The following DUSP15 variants were observed in gnomAD, a reference collection of about 807,000 sequenced individuals.
The protein encoded by DUSP15 is dual specificity protein phosphatase 15.
In DUSP15, 23 loss-of-function variants were observed where a neutral mutation model predicts 26.3. The ratio of observed to expected loss-of-function variants is 0.87; its 90% confidence interval spans 0.63 to 1.24. DUSP15 has a LOEUF of 1.24. DUSP15 is among the 50% of genes most tolerant of loss of function. DUSP15 has a pLI of 0.00. For missense variants in DUSP15, 364 were observed against 320.6 expected, an observed-to-expected ratio of 1.14 and a Z score of -1.03; for synonymous variants, 143 against 135.5, an observed-to-expected ratio of 1.06 and a Z score of -0.39.
intron 1 of DUSP15, 144 bp from the exon 2 acceptor site, chr20:31,869,741 G>A (rs908892405): frequency 3.3e-6 from 5 of 1,497,850 alleles, no homozygotes; most frequent in Non-Finnish European, 4.5e-6. Flanking sequence ...CCCTTTTGTG[G>A]GCCCTGAGTC....
In DUSP15 at chr20:31,861,665, T is replaced by G. The variant is rs2062659308; in HGVS notation, c.446A>C (p.Gln149Pro). Residue 149 changes from glutamine (Q) to proline (P), a missense_variant, in exon 7 of 7, where the codon CAG becomes CCG. Physicochemically the swap from Gln to Pro is moderately conservative, Grantham distance 76. Transcript: ENST00000339738. ...GWASSQKLRR[Q>P]LEERFGESPF... ...GCTCTCGCCGAAGCGCTCCTCCAGC[T>G]GCCGGCGAAGCTGGGGTGGGCGGGT... is the stretch of plus-strand genomic sequence containing the variant. 4 of 889,806 alleles carry G rather than the reference T, an allele frequency of 4.5e-6. No homozygotes were observed. The East Asian group carries it at 4.3e-4, about 96-fold the overall frequency. 55.1% of individuals were successfully genotyped at this position (889,806 alleles called of 1,614,324 possible). A position where few individuals can be genotyped will look rare whatever the true frequency, so the allele number is the denominator to read the frequency against.
chr20:31,870,233 G>C lies in DUSP15; in HGVS notation c.21+84C>G. ...GGAGACCGGCGAGAACAGAAGGTCA[G>C]AGGCGGGCGGACCGAGCTGGTCAGC... is the stretch of plus-strand genomic sequence containing the variant. On this transcript the variant is annotated intron_variant, in intron 1 of 6. Transcript: ENST00000339738. The surrounding 1 kb of genome is among the most constrained non-coding windows in gnomAD (Gnocchi z 6.6). 8.2e-7 allele frequency: 1 copy of C among 1,226,054 alleles called. No individual in the cohort carries two copies. 75.9% of individuals were successfully genotyped at this position (1,226,054 alleles called of 1,614,324 possible). A position where few individuals can be genotyped will look rare whatever the true frequency, so the allele number is the denominator to read the frequency against.
chr20:31,862,013 C>T (rs981198586), intron 6 of DUSP15, among the ~76,000 whole-genome samples: 2 of 152,040 alleles, frequency 1.3e-5, no homozygotes, highest in Non-Finnish European at 2.9e-5. Context: ...CTTTGCACCT[C>T]TGTGCTCACA....
downstream of DUSP15, chr20:31,845,615 C>G: frequency 6.4e-7 from 1 of 1,553,400 alleles, no homozygotes. Context: ...CCGGAATAGC[C>G]TGCCCAGGCT....
In DUSP15 at chr20:31,861,106, G is replaced by C. The variant is rs1170175497; in HGVS notation, c.*297C>G. On this transcript the variant is annotated 3_prime_UTR_variant, in exon 7 of 7. Coordinates refer to ENST00000339738, the MANE Select transcript of DUSP15 (RefSeq NM_080611.5). ...TCTGTGTCTCTTTAATACCCTCCAG[G>C]CCCGTCAAACCCTCCACTCTCCCTC... 2 of 1,286,138 alleles carry C rather than the reference G, an allele frequency of 1.6e-6. No homozygotes were observed. Among genetic ancestry groups the C allele is most frequent in the Non-Finnish European group, 9.8e-7 (1 of 1,020,082 alleles). The allele number at this position is 1,286,138 out of a possible 1,614,324, so 79.7% of individuals were successfully genotyped here.
intron 6 of DUSP15, among the ~76,000 whole-genome samples, chr20:31,855,089 C>T (rs1385533020): frequency 6.6e-6 from 1 of 152,166 alleles, no homozygotes; most frequent in Non-Finnish European, 1.5e-5. Flanking sequence ...CACTCAGGAA[C>T]ACTAGACCAC....
At chr20:31,852,506 G>T (rs1018415539) in intron 6 of DUSP15, among the ~76,000 whole-genome samples, 2 of 152,212 alleles carry the variant, frequency 1.3e-5, no homozygotes, top group Non-Finnish European at 2.9e-5. Context: ...ACACAATGTG[G>T]TCTTGTAGAA....
At chr20:31,849,000 C>A in intron 8 of DUSP15, 4 of 997,690 alleles carry the variant, frequency 4.0e-6, no homozygotes, top group Non-Finnish European at 4.5e-6. Context: ...ATTTCCCATG[C>A]CCAAGTCCTG....
chr20:31,845,714 C>A (rs551356554), downstream of DUSP15: 129 of 745,764 alleles, frequency 1.7e-4, no homozygotes, highest in African/African-American at 2.2e-3. Flanking sequence ...TCCCTCGCCC[C>A]ACTCCCACAA....
exon 10 of DUSP15, chr20:31,847,788 C>T (rs904708708): frequency 6.6e-6 from 1 of 152,200 alleles, no homozygotes; most frequent in Non-Finnish European, 1.5e-5. Flanking sequence ...TGACCTCTGC[C>T]TTAGGGCTGC....
chr20:31,863,075 TG>T (rs11467419), intron 5 of DUSP15, among the ~76,000 whole-genome samples: 1,979 of 148,718 alleles, frequency 0.013, 27 homozygotes, highest in African/African-American at 0.031. Flanking sequence ...ACAGTATGGC[TG>T]GGGGGGGGGG....
intron 1 of DUSP15, chr20:31,869,981 C>G: frequency 7.5e-7 from 1 of 1,341,606 alleles, no homozygotes; most frequent in Middle Eastern, 2.8e-4. Flanking sequence ...GGAGAAACAG[C>G]CCCGGAGAGA....
downstream of DUSP15, among the ~76,000 whole-genome samples, chr20:31,858,990 A>G (rs149076492): frequency 6.6e-6 from 1 of 152,320 alleles, no homozygotes; most frequent in Non-Finnish European, 1.5e-5. The surrounding 1 kb of genome is among the most constrained non-coding windows in gnomAD (Gnocchi z 4.4). Context: ...ACTGCTCATC[A>G]GTGCTGGGCC....
intron 5 of DUSP15, 81 bp from the exon 6 acceptor site, chr20:31,862,823 T>C (rs1168062991): frequency 7.2e-7 from 1 of 1,390,776 alleles, no homozygotes; most frequent in African/African-American, 1.4e-5. Flanking sequence ...CTGCTTCAAC[T>C]CCCCCACCCT....
intron 7 of DUSP15, chr20:31,850,580 T>C: frequency 6.3e-7 from 1 of 1,597,596 alleles, no homozygotes; most frequent in Non-Finnish European, 8.5e-7. Flanking sequence ...TTCAGCACAC[T>C]GGTCGGAGGG....
chr20:31,863,750 G>A (rs2062709085), intron 5 of DUSP15, 157 bp downstream of exon 5: 1 of 667,720 alleles, frequency 1.5e-6, no homozygotes, highest in Non-Finnish European at 2.6e-6. Flanking sequence ...AGAGTCCCGG[G>A]TTGGCCTCTC....
At chr20:31,847,519 TC>T (rs2062389595), downstream of DUSP15, 2 of 151,966 alleles carry the variant, frequency 1.3e-5, no homozygotes, top group East Asian at 3.8e-4. Context: ...ATCACAGTTT[TC>T]CCCCCATGAA....
At chr20:31,867,005 G>C in intron 3 of DUSP15, 66 bp downstream of exon 3, 1 of 1,427,608 alleles carries the variant, frequency 7.0e-7, no homozygotes, top group South Asian at 1.2e-5. Context: ...GCACATAGTA[G>C]ATATTTGATA....
intron 8 of DUSP15, chr20:31,849,704 CGTG>C (rs2062432538): frequency 6.5e-7 from 1 of 1,535,664 alleles, no homozygotes; most frequent in South Asian, 1.2e-5. Context: ...CCCTGCAACA[CGTG>C]GGCGCTGGGC....
Sources: allele counts gnomAD v4.1 joint callset (sites outside exome capture counted in the v4.1 genomes callset), GRCh38; gene constraint gnomAD v4.1.1; non-coding constraint Gnocchi (gnomAD v3.1); transcripts MANE v1.5; gene names NCBI Gene and HGNC (gene_info 2026-07-23, HGNC 2026-07-21).